The following GSTM3 variants were observed in gnomAD, a reference collection of about 807,000 sequenced individuals.
GSTM3 encodes GST class-mu 3.
Under a neutral mutation model 36.1 loss-of-function variants are expected in GSTM3, and 34 were observed. The observed-to-expected ratio is 0.94, with a 90% CI of 0.72 to 1.25. The LOEUF (loss-of-function observed/expected upper bound fraction) is 1.25. Among genes scored for constraint, GSTM3 ranks in the 50% most tolerant of loss-of-function variants. The probability of loss-of-function intolerance (pLI) is 0.00; values close to 1 mark genes in which losing one functional copy is unlikely to be tolerated. For synonymous variants in GSTM3, 102 were observed against 99.5 expected (o/e 1.03, Z -0.15); for missense variants, 266 against 281.6 (o/e 0.94, Z 0.40).
In GSTM3 at chr1:109,739,484, TAGTC is replaced by T; in HGVS notation, c.130_133del (p.Asp44MetfsTer9). ...CACATCCAGCCATTGGCTTCGATCA[TAGTC>T]AGGAGCTGTAAGAGACGGAATTAAG... On this transcript the variant is annotated frameshift_variant, in exon 4 of 9. Transcript: ENST00000361066. LOFTEE classifies it high-confidence loss of function. 2 of 1,612,422 alleles carry T rather than the reference TAGTC, an allele frequency of 1.2e-6. No individual in the cohort carries two copies. Among genetic ancestry groups the T allele is most frequent in the Admixed American group, 1.7e-5 (1 of 59,996 alleles).
rs1649153100 is a variant in GSTM3, at chr1:109,734,644, G to A, written c.*2427C>T. ...AAATTATATCAATAGTTATCAGACT[G>A]AAAAACTTCTGAGCTTTATACCTCT... is the stretch of plus-strand genomic sequence containing the variant. On this transcript the variant is annotated 3_prime_UTR_variant, in exon 9 of 9. Coordinates refer to ENST00000361066, the MANE Select transcript of GSTM3 (RefSeq NM_000849.5). The A allele has an allele frequency of 6.6e-6, 1 of 152,244 alleles. No individual in the cohort carries two copies. The highest frequency in any genetic ancestry group is 1.5e-5 in the Non-Finnish European group (1 of 68,060). 9.4% of individuals were successfully genotyped at this position (152,244 alleles called of 1,614,324 possible). A position where few individuals can be genotyped will look rare whatever the true frequency, so the allele number is the denominator to read the frequency against.
rs1265047921 is a variant in GSTM3 at position 109,735,269 on chromosome 1, G to A, written c.*1802C>T. The A allele has an allele frequency of 6.6e-6, 1 of 152,068 alleles. No individual in the cohort carries two copies. Among genetic ancestry groups the A allele is most frequent in the Non-Finnish European group, 1.5e-5 (1 of 68,072 alleles). The allele number at this position is 152,068 out of a possible 1,614,324, so 9.4% of individuals were successfully genotyped here. On this transcript the variant is annotated 3_prime_UTR_variant, in exon 9 of 9. Transcript: ENST00000361066. ...CAGCTCACTGCAGCTTCAAATTCCT[G>A]GGCTCAAGTGATCCTCCCACCTCAG...
intron 4 of GSTM3, 69 bp downstream of exon 4, chr1:109,739,360 G>A: frequency 4.8e-6 from 5 of 1,051,958 alleles, no homozygotes; most frequent in Admixed American, 1.8e-5. Flanking sequence ...TACCAGGCAG[G>A]AGAGAGGCAA....
rs1467155991 is a variant in GSTM3, at chr1:109,740,273, C to A, written c.15G>T (p.Ser5=). ...TATCCCAGTACCCGAGAACCATAGA[C>A]GACTCGCACGACATGGTGACGGGCT... MSCE[S]SMVLGYWDIR... is the part of the protein sequence containing the mutation. The change falls in exon 2 of 9, where the codon TCG becomes TCT. Residue 5 remains serine (S), a synonymous_variant. Transcript: ENST00000361066. The A allele has an allele frequency of 3.7e-6, 6 of 1,613,422 alleles. No homozygotes were observed. Among genetic ancestry groups the A allele is most frequent in the Non-Finnish European group, 5.1e-6 (6 of 1,179,626 alleles).
chr1:109,740,276 C>CCCGAGAA lies in GSTM3; in HGVS notation c.11_12insTTCTCGG (p.Glu4AspfsTer32). 1 of 1,613,644 alleles carries CCCGAGAA rather than the reference C, an allele frequency of 6.2e-7. No homozygotes were observed. Among genetic ancestry groups the CCCGAGAA allele is most frequent in the Non-Finnish European group, 8.5e-7 (1 of 1,179,694 alleles). On this transcript the variant is annotated frameshift_variant, in exon 2 of 9. Transcript: ENST00000361066. LOFTEE classifies it high-confidence loss of function. ...CCCAGTACCCGAGAACCATAGACGA[C>CCCGAGAA]TCGCACGACATGGTGACGGGCTTCC...
rs1649301572 is a variant in GSTM3 at position 109,739,411 on chromosome 1, T to A, written c.189+18A>T. The A allele has an allele frequency of 6.3e-7, 1 of 1,592,214 alleles. No individual in the cohort carries two copies. Among genetic ancestry groups the A allele is most frequent in the Admixed American group, 1.7e-5 (1 of 59,714 alleles). ...AAGGCTTTCCCTTCTGCCCGCCACC[T>A]CTACTAAAGCCACTTACATTAGGAA... On this transcript the variant is annotated intron_variant, in intron 4 of 8. Transcript: ENST00000361066.
chr1:109,739,851 G>T lies in GSTM3; in HGVS notation c.106C>A (p.Arg36=). 1 of 1,552,760 alleles carries T rather than the reference G, an allele frequency of 6.4e-7. No homozygotes were observed. The highest frequency in any genetic ancestry group is 8.7e-7 in the Non-Finnish European group (1 of 1,147,118). Residue 36 remains arginine, a synonymous_variant, in exon 3 of 9, where the codon CGG becomes AGG. Transcript: ENST00000361066. The stretch of plus-strand genomic sequence containing the variant: ...GCATTACCTTCCCCGCACGTGTACC[G>T]TTTCTCCTCATAAGAGGTATCCGTG... ...EFTDTSYEEK[R]YTCGEAPDYD...
intron 8 of GSTM3, 94 bp downstream of exon 8, chr1:109,737,363 C>A (rs765306499): frequency 2.3e-5 from 21 of 921,448 alleles, no homozygotes; most frequent in Admixed American, 5.4e-5. Context: ...TCCCATTAGG[C>A]AAAAGCCGGG....
chr1:109,738,716 A>G (rs1034543579), intron 4 of GSTM3, among the ~76,000 whole-genome samples: 3 of 152,266 alleles, frequency 2.0e-5, no homozygotes, highest in African/African-American at 7.2e-5. Context: ...TAGCAAGCAG[A>G]TGTAATGACT....
Position 109,740,374 on chromosome 1 carries a change from G to T in GSTM3, c.-87C>A. The T allele has an allele frequency of 8.0e-7, 1 of 1,249,628 alleles. No individual in the cohort carries two copies. The highest frequency in any genetic ancestry group is 1.1e-6 in the Non-Finnish European group (1 of 879,018). The allele number at this position is 1,249,628 out of a possible 1,614,324, so 77.4% of individuals were successfully genotyped here. A position where few individuals can be genotyped will look rare whatever the true frequency, so the allele number is the denominator to read the frequency against. On this transcript the variant is annotated 5_prime_UTR_variant, in exon 2 of 9. Transcript: ENST00000361066. ...CGACATAAGGGGGCGGGGCCCACGC[G>T]CGGGCGCCCTGACTCCGCCTCCGCC... is the stretch of plus-strand genomic sequence containing the variant.
At position 109,735,647 on chromosome 1, in the gene GSTM3, T is replaced by C. The variant is rs1315824498; in HGVS notation, c.*1424A>G. On this transcript the variant is annotated 3_prime_UTR_variant, in exon 9 of 9. Transcript: ENST00000361066. ...TCTCTTTGAATGTTTTTTTTTTTTTTTTTTTTTTTTTTTTGAGACAGAGTC... is the reference window on the plus strand; with the variant it reads ...TCTCTTTGAATGTTTTTTTTTTTTTCTTTTTTTTTTTTTTGAGACAGAGTC... 7.2e-6 allele frequency: 1 copy of C among 139,098 alleles called. No homozygotes were observed. The highest frequency in any genetic ancestry group is 2.7e-5 in the African/African-American group (1 of 36,364). The allele number at this position is 139,098 out of a possible 1,614,324, so 8.6% of individuals were successfully genotyped here. A position where few individuals can be genotyped will look rare whatever the true frequency, so the allele number is the denominator to read the frequency against.
chr1:109,740,062 G>T, intron 2 of GSTM3, 154 bp from the exon 3 acceptor site: 1 of 873,488 alleles, frequency 1.1e-6, no homozygotes, highest in Non-Finnish European at 1.8e-6. Context: ...GGTCTCCTCC[G>T]CCCCTCCCCA....
rs1445547927 is a variant in GSTM3 at position 109,734,262 on chromosome 1, T to C, written c.*2809A>G. 3 of 152,212 alleles carry C rather than the reference T, an allele frequency of 2.0e-5. No individual in the cohort carries two copies. The highest frequency in any genetic ancestry group is 7.2e-5 in the African/African-American group (3 of 41,440). The allele number at this position is 152,212 out of a possible 1,614,324, so 9.4% of individuals were successfully genotyped here. A position where few individuals can be genotyped will look rare whatever the true frequency, so the allele number is the denominator to read the frequency against. ...AATGAGCTGGGTTAAATTAGGGACA[T>C]TTAGGCTGATTTATTGTGCCCGCAC... is the stretch of plus-strand genomic sequence containing the variant. On this transcript the variant is annotated 3_prime_UTR_variant, in exon 9 of 9. Transcript: ENST00000361066.
chr1:109,737,095 C>G lies in GSTM3; in HGVS notation c.654G>C (p.Gln218His). Residue 218 changes from glutamine to histidine, a missense_variant, in exon 9 of 9, where the codon CAG becomes CAC. Coordinates refer to ENST00000361066, the MANE Select transcript of GSTM3 (RefSeq NM_000849.5). ...CKMPINNKMA[Q>H]WGNKPVC ...CTCAGCATACAGGCTTGTTGCCCCA[C>G]TGGGCCATCTTGTTGTTGATGGGCA... 6.8e-6 allele frequency: 11 copies of G among 1,612,398 alleles called. No individual in the cohort carries two copies. The highest frequency in any genetic ancestry group is 9.3e-6 in the Non-Finnish European group (11 of 1,178,406).
Position 109,737,713 on chromosome 1 carries a change from T to C in GSTM3, c.411A>G (p.Gly137=), listed in dbSNP as rs752239011. ...LKPQYLEELP[G]QLKQFSMFLG... ...GAAACATGGAGAATTGTTTCAGTTG[T>C]CCAGGTAGCTCTTCCAAGTACTGAG... is the stretch of plus-strand genomic sequence containing the variant. The change falls in exon 7 of 9, where the codon GGA becomes GGG. Residue 137 remains glycine, a synonymous_variant. Transcript: ENST00000361066. 6.2e-7 allele frequency: 1 copy of C among 1,609,132 alleles called. No individual in the cohort carries two copies. Among genetic ancestry groups the C allele is most frequent in the South Asian group, 1.1e-5 (1 of 90,194 alleles).
In GSTM3 at chr1:109,740,525, A is replaced by G; in HGVS notation, c.-224-14T>C. On this transcript the variant is annotated splice_polypyrimidine_tract_variant and intron_variant, in intron 1 of 8. Transcript: ENST00000361066. ...CGGGCAGGAGTGCTGCAGGAGAGCA[A>G]AGGACCCGAGGTTGAGGCTCCTCCC... 1 of 557,442 alleles carries G rather than the reference A, an allele frequency of 1.8e-6. No homozygotes were observed. The highest frequency in any genetic ancestry group is 2.1e-5 in the South Asian group (1 of 47,174). 34.5% of individuals were successfully genotyped at this position (557,442 alleles called of 1,614,324 possible).
rs958183249 is a variant in GSTM3, at chr1:109,735,974, T to C, written c.*1097A>G. 9 of 152,128 alleles carry C rather than the reference T, an allele frequency of 5.9e-5. No homozygotes were observed. Among genetic ancestry groups the C allele is most frequent in the African/African-American group, 2.2e-4 (9 of 41,410 alleles). The allele number at this position is 152,128 out of a possible 1,614,324, so 9.4% of individuals were successfully genotyped here. A position where few individuals can be genotyped will look rare whatever the true frequency, so the allele number is the denominator to read the frequency against. On this transcript the variant is annotated 3_prime_UTR_variant, in exon 9 of 9. Coordinates refer to ENST00000361066, the MANE Select transcript of GSTM3 (RefSeq NM_000849.5). ...GTTTTTATAGCATGGAATTGCTGGG[T>C]CATAGGATATGATTTAAATTTTACA...
At position 109,739,459 on chromosome 1, in the gene GSTM3, C is replaced by T; in HGVS notation, c.159G>A (p.Val53=). ...PDYDRSQWLD[V]KFKLDLDFPN... is the part of the protein sequence containing the mutation. ...GAAAGTCCAGGTCTAGCTTGAATTT[C>T]ACATCCAGCCATTGGCTTCGATCAT... The change falls in exon 4 of 9, where the codon GTG becomes GTA. Residue 53 remains valine (V), a synonymous_variant. Coordinates refer to ENST00000361066, the MANE Select transcript of GSTM3 (RefSeq NM_000849.5). The T allele has an allele frequency of 6.2e-7, 1 of 1,612,806 alleles. No homozygotes were observed. The highest frequency in any genetic ancestry group is 8.5e-7 in the Non-Finnish European group (1 of 1,179,002).
At chr1:109,738,542 G>A (rs1281753403) in intron 4 of GSTM3, among the ~76,000 whole-genome samples, 176 bp from the exon 5 acceptor site, 1 of 152,132 alleles carries the variant, frequency 6.6e-6, no homozygotes, top group Non-Finnish European at 1.5e-5. Flanking sequence ...TTCTAGACAG[G>A]GGTTCTTAAA....
Sources: allele counts gnomAD v4.1 joint callset (sites outside exome capture counted in the v4.1 genomes callset), GRCh38; gene constraint gnomAD v4.1.1; transcripts MANE v1.5; gene names NCBI Gene and HGNC (gene_info 2026-07-23, HGNC 2026-07-21).